The following DEUP1 variants were observed in gnomAD, a reference collection of about 807,000 sequenced individuals.
DEUP1 encodes the protein deuterosome assembly protein 1.
DEUP1 carries 82 observed loss-of-function variants against 87.4 expected under a neutral mutation model. That is an observed-to-expected ratio of 0.94 (90% CI 0.78 to 1.13). The LOEUF is 1.13. Ranked by LOEUF, DEUP1 falls within the 50% of genes most tolerant of loss-of-function variation. DEUP1 has a pLI of 0.00. For synonymous variants in DEUP1, 214 were observed against 222.7 expected (o/e 0.96, Z 0.35); for missense variants, 663 against 681.5 (o/e 0.97, Z 0.30).
At chr11:93,393,084 C>CT (rs1411526962) in intron 9 of DEUP1, among the ~76,000 whole-genome samples, 2 of 55,534 alleles carry the variant, frequency 3.6e-5, no homozygotes, top group Non-Finnish European at 3.5e-5. Flanking sequence ...TCTCTTCCTC[C>CT]TTCTTTTTTT....
chr11:93,379,576 G>C (rs1443849124), intron 7 of DEUP1, among the ~76,000 whole-genome samples: 7 of 152,156 alleles, frequency 4.6e-5, no homozygotes, highest in Non-Finnish European at 1.0e-4. Context: ...CATGCAACTT[G>C]GGAGTCAATG....
intron 9 of DEUP1, among the ~76,000 whole-genome samples, chr11:93,393,199 C>T (rs1221339565): frequency 6.6e-6 from 1 of 151,548 alleles, no homozygotes; most frequent in Non-Finnish European, 1.5e-5. Context: ...GGGATCCTCC[C>T]ACCCCAGTGC....
chr11:93,418,514 T>G (rs1187988579), intron 13 of DEUP1, among the ~76,000 whole-genome samples: 1 of 151,910 alleles, frequency 6.6e-6, no homozygotes, highest in Non-Finnish European at 1.5e-5. Context: ...ATGGCAATCA[T>G]TAAAAAGTCA....
Position 93,391,452 on chromosome 11 carries a change from G to A in DEUP1, c.1041+2327G>A, listed in dbSNP as rs573685099. 3.3e-5 allele frequency among the ~76,000 whole-genome samples: 5 copies of A among 152,218 alleles called. No homozygotes were observed. In the East Asian group the frequency reaches 9.7e-4, roughly 30 times the overall value. On this transcript the variant is annotated intron_variant, in intron 9 of 13. Coordinates refer to ENST00000298050, the MANE Select transcript of DEUP1 (RefSeq NM_181645.4). ...TGGCCAGGTGCCGTGGCTCACGCCT[G>A]TAATCCCAGCACTTTGGGAGGCCAA...
chr11:93,428,226 A>G (rs12574927), intron 13 of DEUP1, among the ~76,000 whole-genome samples: 52,961 of 151,746 alleles, frequency 0.35, 9,891 homozygotes, highest in African/African-American at 0.48. Context: ...CTGGATTAAG[A>G]AAATGTGGCA....
intron 2 of DEUP1, among the ~76,000 whole-genome samples, chr11:93,354,794 C>G (rs935820024): frequency 6.6e-5 from 10 of 152,206 alleles, no homozygotes; most frequent in African/African-American, 2.4e-4. Flanking sequence ...CCTCCCATAA[C>G]ATGTGGGAAT....
intron 7 of DEUP1, among the ~76,000 whole-genome samples, chr11:93,371,931 CT>C (rs72050582): frequency 0.23 from 32,624 of 139,280 alleles, 3,304 homozygotes; most frequent in South Asian, 0.35. Context: ...ATATGTATTT[CT>C]TTTTTTTTTT....
At chr11:93,344,268 G>A (rs1944224240) in intron 2 of DEUP1, among the ~76,000 whole-genome samples, 2 of 151,542 alleles carry the variant, frequency 1.3e-5, no homozygotes, top group African/African-American at 2.4e-5. Context: ...TACAGGATTT[G>A]GTGTGCAGAA....
intron 11 of DEUP1, among the ~76,000 whole-genome samples, chr11:93,401,432 G>C (rs1447045371): frequency 1.3e-5 from 2 of 151,524 alleles, no homozygotes; most frequent in Non-Finnish European, 3.0e-5. Context: ...CAAAGAAATA[G>C]AAAAAAAACT....
At chr11:93,414,389 T>C (rs1947540316) in intron 12 of DEUP1, among the ~76,000 whole-genome samples, 1 of 152,036 alleles carries the variant, frequency 6.6e-6, no homozygotes, top group African/African-American at 2.4e-5. Flanking sequence ...GGCGGGCGCC[T>C]ATAATCCCAG....
chr11:93,390,359 A>G (rs1310825090), intron 9 of DEUP1, among the ~76,000 whole-genome samples: 2 of 152,200 alleles, frequency 1.3e-5, no homozygotes, highest in East Asian at 1.9e-4. Context: ...TAGGAAACAC[A>G]ATAATATGAA....
intron 13 of DEUP1, among the ~76,000 whole-genome samples, chr11:93,418,055 G>A (rs1240050656): frequency 1.3e-5 from 2 of 151,938 alleles, no homozygotes; most frequent in Admixed American, 6.6e-5. Context: ...GACTTAAACG[G>A]TAGACCTAAA....
intron 2 of DEUP1, among the ~76,000 whole-genome samples, chr11:93,340,565 C>G (rs149798977): frequency 2.0e-4 from 31 of 152,106 alleles, no homozygotes; most frequent in African/African-American, 7.5e-4. Flanking sequence ...TTAAAAGGCT[C>G]GCTCTAGTTG....
intron 7 of DEUP1, among the ~76,000 whole-genome samples, chr11:93,372,113 A>T (rs1945763279): frequency 6.6e-6 from 1 of 151,684 alleles, no homozygotes; most frequent in Non-Finnish European, 1.5e-5. Context: ...TATTTTTAGT[A>T]GAGACGGGGT....
Position 93,338,181 on chromosome 11 carries a change from G to A in DEUP1, c.29+5893G>A, listed in dbSNP as rs1943868759. Among the ~76,000 whole-genome samples, 3 of 152,162 alleles carry A rather than the reference G, an allele frequency of 2.0e-5. No homozygotes were observed. In the South Asian group the frequency reaches 6.2e-4, roughly 32 times the overall value. The stretch of plus-strand genomic sequence containing the variant: ...AAAGTTGTACCCTCCTTGAACTCAA[G>A]AAGCAGAAGGAAAAGGAGAAATAGA... On this transcript the variant is annotated intron_variant, in intron 2 of 13. Transcript: ENST00000298050.
At chr11:93,352,714 T>C (rs531923476) in intron 2 of DEUP1, among the ~76,000 whole-genome samples, 2 of 152,106 alleles carry the variant, frequency 1.3e-5, no homozygotes, top group Non-Finnish European at 2.9e-5. Context: ...ACTTCTTACA[T>C]GGGGGAGGCA....
intron 4 of DEUP1, chr11:93,357,610 A>G (rs941326332): frequency 6.6e-6 from 1 of 152,330 alleles, no homozygotes; most frequent in Non-Finnish European, 1.5e-5. Context: ...CACAGATAGC[A>G]CGTAGGGTAA....
chr11:93,360,905 C>CAAAAAAAAAAAAAAAAAAAA (rs35572726), intron 4 of DEUP1, among the ~76,000 whole-genome samples: 4 of 82,390 alleles, frequency 4.9e-5, no homozygotes, highest in Middle Eastern at 6.8e-3. Flanking sequence ...CAAAACTTAG[C>CAAAAAAAAAAAAAAAAAAAA]AAAAAAAAAA....
chr11:93,429,676 G>A (rs537882707), intron 13 of DEUP1, among the ~76,000 whole-genome samples: 1 of 152,092 alleles, frequency 6.6e-6, no homozygotes, highest in African/African-American at 2.4e-5. Flanking sequence ...ATGAAAGCAG[G>A]GGGTGTTTTC....
Sources: allele counts gnomAD v4.1 joint callset (sites outside exome capture counted in the v4.1 genomes callset), GRCh38; gene constraint gnomAD v4.1.1; transcripts MANE v1.5; gene names NCBI Gene and HGNC (gene_info 2026-07-23, HGNC 2026-07-21).